Variants in ASTN2 observed in about 807,000 individuals in gnomAD.
ASTN2 encodes the protein astrotactin-2.
Under a neutral mutation model 139.8 loss-of-function variants are expected in ASTN2, and 54 were observed. The ratio of observed to expected loss-of-function variants is 0.39; its 90% confidence interval spans 0.31 to 0.48. ASTN2 has a LOEUF of 0.48. Ranked by LOEUF, ASTN2 falls within the 20% of genes least tolerant of loss-of-function variation. The probability of loss-of-function intolerance (pLI) is 0.95; values close to 1 mark genes in which losing one functional copy is unlikely to be tolerated. For synonymous variants in ASTN2, 756 were observed against 719.5 expected, an observed-to-expected ratio of 1.05 and a Z score of -0.81; for missense variants, 1,565 against 1,725.1, an observed-to-expected ratio of 0.91 and a Z score of 1.64.
chr9:116,827,079 G>A (rs1178943509), intron 11 of ASTN2, among the ~76,000 whole-genome samples: 1 of 152,058 alleles, frequency 6.6e-6, no homozygotes, highest in South Asian at 2.1e-4. Context: ...GGAGGCTGAG[G>A]TGGGCGGATC....
At chr9:117,376,623 G>A (rs1317126120) in intron 1 of ASTN2, among the ~76,000 whole-genome samples, 4 of 152,138 alleles carry the variant, frequency 2.6e-5, no homozygotes, top group Admixed American at 6.5e-5. Flanking sequence ...TGGGAGGAGC[G>A]AAGCCTGAGC....
chr9:116,879,208 T>C (rs571787030), intron 10 of ASTN2, among the ~76,000 whole-genome samples: 1 of 152,188 alleles, frequency 6.6e-6, no homozygotes, highest in African/African-American at 2.4e-5. Context: ...TCTACAATGA[T>C]GGGGTGATCT....
intron 2 of ASTN2, among the ~76,000 whole-genome samples, chr9:117,233,945 T>G (rs1019410698): frequency 1.3e-5 from 2 of 152,190 alleles, no homozygotes; most frequent in African/African-American, 4.8e-5. Context: ...GATAGGACTC[T>G]ACTCTTACAA....
At chr9:117,385,856 T>C (rs1026295141) in intron 1 of ASTN2, among the ~76,000 whole-genome samples, 20 of 152,098 alleles carry the variant, frequency 1.3e-4, no homozygotes, top group Admixed American at 6.5e-5. Flanking sequence ...TCTCTGCACC[T>C]AGGAGTTATA....
chr9:117,059,153 T>C (rs925086521), intron 5 of ASTN2, among the ~76,000 whole-genome samples: 1 of 152,104 alleles, frequency 6.6e-6, no homozygotes, highest in Non-Finnish European at 1.5e-5. Context: ...AGTCATCAAA[T>C]GCAGAGTACA....
rs115331119 is a variant in ASTN2, at chr9:117,023,959, C to A, written c.1424-15700G>T. The stretch of plus-strand genomic sequence containing the variant: ...GCACGCACCTGTTGTCTAGATGGAT[C>A]TTACTGAGGGTGCGAGGTTGGGGAG... On this transcript the variant is annotated intron_variant, in intron 6 of 22. Coordinates refer to ENST00000313400, the MANE Select transcript of ASTN2 (RefSeq NM_001365068.1). 4.2e-3 allele frequency among the ~76,000 whole-genome samples: 639 copies of A among 152,166 alleles called. 6 individuals are homozygous for A. Among genetic ancestry groups the A allele is most frequent in the African/African-American group, 0.015 (612 of 41,538 alleles).
intron 1 of ASTN2, among the ~76,000 whole-genome samples, chr9:117,309,600 T>A (rs547124467): frequency 1.1e-3 from 174 of 152,250 alleles, no homozygotes; most frequent in African/African-American, 3.7e-3. Context: ...AAGCAAACCT[T>A]CCATCCCTAA....
intron 13 of ASTN2, among the ~76,000 whole-genome samples, chr9:116,803,504 A>T (rs1830933788): frequency 2.9e-4 from 2 of 6,940 alleles, no homozygotes; most frequent in East Asian, 3.5e-3. Flanking sequence ...ATATATATAT[A>T]TATATATATA....
chr9:117,001,140 C>T (rs1837179650), intron 7 of ASTN2, among the ~76,000 whole-genome samples: 1 of 152,188 alleles, frequency 6.6e-6, no homozygotes, highest in Admixed American at 6.5e-5. Context: ...CCTTCTCCTT[C>T]CCTGTCACTT....
chr9:117,209,866 C>T (rs1832062539), intron 3 of ASTN2, among the ~76,000 whole-genome samples: 1 of 151,984 alleles, frequency 6.6e-6, no homozygotes, highest in African/African-American at 2.4e-5. Flanking sequence ...CTTATCTGAC[C>T]ACAGTGGAAT....
chr9:117,022,994 G>GACA (rs1009216845), intron 6 of ASTN2, among the ~76,000 whole-genome samples: 4 of 151,072 alleles, frequency 2.6e-5, no homozygotes, highest in African/African-American at 4.9e-5. Flanking sequence ...ACAAACATAC[G>GACA]ACAACAACAA....
At chr9:117,047,339 T>A (rs1050413571) in intron 5 of ASTN2, among the ~76,000 whole-genome samples, 5 of 152,152 alleles carry the variant, frequency 3.3e-5, no homozygotes, top group African/African-American at 1.2e-4. Flanking sequence ...CACACCTTGG[T>A]CCTTGTCTCT....
intron 10 of ASTN2, among the ~76,000 whole-genome samples, chr9:116,939,504 G>A (rs542742152): frequency 1.6e-4 from 25 of 152,034 alleles, no homozygotes; most frequent in Non-Finnish European, 2.6e-4. Context: ...CCCATCCTTC[G>A]TGTCTACCAA....
chr9:117,075,195 A>G (rs1193575417), intron 5 of ASTN2, among the ~76,000 whole-genome samples: 1 of 152,192 alleles, frequency 6.6e-6, no homozygotes, highest in East Asian at 1.9e-4. Flanking sequence ...AGGGGTGGAC[A>G]TGGTCCATTT....
intron 19 of ASTN2, among the ~76,000 whole-genome samples, chr9:116,496,915 T>C (rs887272667): frequency 5.9e-5 from 9 of 152,140 alleles, no homozygotes; most frequent in Admixed American, 3.9e-4. Flanking sequence ...CATGATTCAA[T>C]TACCTCCCAC....
chr9:116,690,312 A>G (rs1240083162), intron 16 of ASTN2, among the ~76,000 whole-genome samples: 1 of 152,236 alleles, frequency 6.6e-6, no homozygotes, highest in East Asian at 1.9e-4. Flanking sequence ...TACAGATAAG[A>G]AAAATAACAG....
chr9:117,346,573 C>T (rs565419814), intron 1 of ASTN2, among the ~76,000 whole-genome samples: 2 of 152,116 alleles, frequency 1.3e-5, no homozygotes, highest in Non-Finnish European at 2.9e-5. Context: ...AAAATTGATA[C>T]CAAATCAAGG....
At chr9:116,645,823 C>A (rs1168361012) in intron 17 of ASTN2, among the ~76,000 whole-genome samples, 2 of 152,150 alleles carry the variant, frequency 1.3e-5, no homozygotes, top group Non-Finnish European at 2.9e-5. Flanking sequence ...CTCTCCCATA[C>A]AAAATATGAA....
intron 1 of ASTN2, among the ~76,000 whole-genome samples, chr9:117,331,843 TA>T (rs1272123792): frequency 6.6e-6 from 1 of 152,186 alleles, no homozygotes; most frequent in Non-Finnish European, 1.5e-5. Flanking sequence ...ATCTCCCTTT[TA>T]AAATTGGAAT....
Sources: allele counts gnomAD v4.1 joint callset (sites outside exome capture counted in the v4.1 genomes callset), GRCh38; gene constraint gnomAD v4.1.1; transcripts MANE v1.5; gene names NCBI Gene and HGNC (gene_info 2026-07-23, HGNC 2026-07-21).